The following INPP5D variants were observed in gnomAD, a reference collection of about 807,000 sequenced individuals.
INPP5D encodes phosphatidylinositol 3,4,5-trisphosphate 5-phosphatase 1.
A neutral mutation model predicts 122.9 loss-of-function variants in INPP5D; 33 were observed. That is an observed-to-expected ratio of 0.27 (90% CI 0.20 to 0.36). The LOEUF is 0.36. Ranked by LOEUF, INPP5D falls within the 10% of genes least tolerant of loss-of-function variation. The pLI, the probability that INPP5D is intolerant of heterozygous loss-of-function variation, is 1.00. For synonymous variants in INPP5D, 584 were observed against 576.2 expected (o/e 1.01, Z -0.19); for missense variants, 1,053 against 1,412.7 (o/e 0.75, Z 4.08).
chr2:233,156,790 A>G (rs917334849), intron 9 of INPP5D, among the ~76,000 whole-genome samples: 1 of 152,244 alleles, frequency 6.6e-6, no homozygotes, highest in Non-Finnish European at 1.5e-5. Context: ...AAAGGAAAAC[A>G]GGTGCTCAGC....
intron 25 of INPP5D, among the ~76,000 whole-genome samples, chr2:233,201,750 C>T (rs1695346224): frequency 6.6e-6 from 1 of 152,230 alleles, no homozygotes; most frequent in Non-Finnish European, 1.5e-5. Context: ...CGAAGCTGTG[C>T]AATTAGGAAG....
chr2:233,164,460 C>G lies in INPP5D; in HGVS notation c.1555+36C>G, dbSNP rs993497642. 6.6e-7 allele frequency: 1 copy of G among 1,515,336 alleles called. No homozygotes were observed. 93.9% of individuals were successfully genotyped at this position (1,515,336 alleles called of 1,614,324 possible). On this transcript the variant is annotated intron_variant, in intron 13 of 26. Transcript: ENST00000445964. The surrounding 1 kb of genome is among the most constrained non-coding windows in gnomAD (Gnocchi z 4.3). ...CGGGGACCCTGTGTTCCTCCCACAC[C>G]CTCTGCCTCAACTCTCGCGACCACA...
chr2:233,169,813 T>G, intron 14 of INPP5D: 1 of 789,490 alleles, frequency 1.3e-6, no homozygotes, highest in Non-Finnish European at 2.0e-6. Context: ...CTGCCCTCTG[T>G]ACACCCAATG....
intron 9 of INPP5D, among the ~76,000 whole-genome samples, chr2:233,149,972 G>A (rs1420789280): frequency 1.3e-5 from 2 of 152,150 alleles, no homozygotes; most frequent in African/African-American, 4.8e-5. Context: ...GGCTGGGGGT[G>A]ACATCATAGC....
chr2:233,152,869 G>T (rs574573432), intron 9 of INPP5D, among the ~76,000 whole-genome samples: 32 of 152,318 alleles, frequency 2.1e-4, no homozygotes, highest in African/African-American at 6.7e-4. Context: ...CAGCTGGGGG[G>T]GGTGTGGTGT....
chr2:233,164,254 C>G lies in INPP5D; in HGVS notation c.1438-53C>G. ...GGGGCTGGGTGTGAATCACTGTGCC[C>G]TGGTTCACACCCTACACTTGGGCCG... On this transcript the variant is annotated intron_variant, in intron 12 of 26. Coordinates refer to ENST00000445964, the MANE Select transcript of INPP5D (RefSeq NM_001017915.3). This position sits in a 1 kb window ranked among gnomAD's most constrained non-coding sequence, Gnocchi z 4.3. 6.6e-7 allele frequency: 1 copy of G among 1,506,198 alleles called. No homozygotes were observed. The highest frequency in any genetic ancestry group is 8.9e-7 in the Non-Finnish European group (1 of 1,121,918). The allele number at this position is 1,506,198 out of a possible 1,614,324, so 93.3% of individuals were successfully genotyped here.
intron 24 of INPP5D, among the ~76,000 whole-genome samples, chr2:233,196,307 G>A (rs144266690): frequency 1.9e-3 from 288 of 152,268 alleles, no homozygotes; most frequent in Admixed American, 3.7e-3. Context: ...ACAAAGCTGG[G>A]GAAATTCTAA....
rs183409819 is a variant in INPP5D at position 233,105,605 on chromosome 2, G to A, written c.199-16502G>A. ...GGTCCCTGATGCCGGGGGCTGAGCC[G>A]GGGGGAAGAGAGCCAGAGGGGAAGG... On this transcript the variant is annotated intron_variant, in intron 2 of 26. Coordinates refer to ENST00000445964, the MANE Select transcript of INPP5D (RefSeq NM_001017915.3). This position sits in a 1 kb window ranked among gnomAD's most constrained non-coding sequence, Gnocchi z 4.0. Among the ~76,000 whole-genome samples the A allele has an allele frequency of 1.9e-3, 296 of 152,300 alleles. 1 individual carries two copies. The highest frequency in any genetic ancestry group is 6.5e-3 in the African/African-American group (272 of 41,550).
chr2:233,141,937 A>G (rs1021181130), intron 6 of INPP5D, among the ~76,000 whole-genome samples: 16 of 152,128 alleles, frequency 1.1e-4, no homozygotes, highest in African/African-American at 3.4e-4. Context: ...CAAAATTCAG[A>G]AAAAAAAATT....
chr2:233,066,566 A>C (rs72982225), intron 1 of INPP5D, among the ~76,000 whole-genome samples: 7,954 of 152,154 alleles, frequency 0.052, 547 homozygotes, highest in African/African-American at 0.16. Context: ...ATTGAGGTAT[A>C]ATTCATATTC....
chr2:233,098,680 C>A (rs1692217313), intron 2 of INPP5D, among the ~76,000 whole-genome samples: 1 of 152,164 alleles, frequency 6.6e-6, no homozygotes, highest in South Asian at 2.1e-4. Context: ...CCCCTCTTAA[C>A]CCCAGGCCAT....
At chr2:233,129,298 AT>A (rs1693252614) in intron 4 of INPP5D, among the ~76,000 whole-genome samples, 1 of 152,246 alleles carries the variant, frequency 6.6e-6, no homozygotes, top group African/African-American at 2.4e-5. Context: ...GAGTCATAAA[AT>A]TGATTTGTGG....
intron 26 of INPP5D, chr2:233,204,920 C>G: frequency 1.2e-6 from 1 of 833,850 alleles, no homozygotes; most frequent in Non-Finnish European, 1.7e-6. Flanking sequence ...GGATTTGAAC[C>G]CAGGTCTGCC....
chr2:233,150,416 G>A (rs917852947), intron 9 of INPP5D, among the ~76,000 whole-genome samples: 19 of 152,312 alleles, frequency 1.2e-4, no homozygotes, highest in African/African-American at 4.6e-4. Context: ...GTGGAACTGT[G>A]AGTCCATTAA....
chr2:233,139,314 C>A (rs2106272758), intron 5 of INPP5D, among the ~76,000 whole-genome samples: 1 of 152,218 alleles, frequency 6.6e-6, no homozygotes, highest in Non-Finnish European at 1.5e-5. Flanking sequence ...ATGGATGTGA[C>A]AATGGGAAAA....
At chr2:233,168,943 A>C (rs1694416891) in intron 13 of INPP5D, 1 of 251,122 alleles carries the variant, frequency 4.0e-6, no homozygotes. Flanking sequence ...TCCCCAGGAA[A>C]CTTGAGTTCA....
At position 233,161,729 on chromosome 2, in the gene INPP5D, A is replaced by G; in HGVS notation, c.1143A>G (p.Arg381=). The G allele has an allele frequency of 2.5e-6, 4 of 1,612,618 alleles. No homozygotes were observed. Among genetic ancestry groups the G allele is most frequent in the Non-Finnish European group, 3.4e-6 (4 of 1,179,174 alleles). The change falls in exon 11 of 27, where the codon AGA becomes AGG. Residue 381 remains arginine (R), a synonymous_variant. Coordinates refer to ENST00000445964, the MANE Select transcript of INPP5D (RefSeq NM_001017915.3). The part of the protein sequence containing the change: ...KEYVFADSKK[R]EGFCQLLQQM... ...GTCTGCCCTTCCATCCCTAGAAGAG[A>G]GAAGGCTTCTGCCAGCTCCTGCAGC...
At chr2:233,129,680 C>T (rs139294463) in intron 4 of INPP5D, among the ~76,000 whole-genome samples, 67 of 152,334 alleles carry the variant, frequency 4.4e-4, no homozygotes, top group South Asian at 3.9e-3. Context: ...TCAGACTCCC[C>T]CCACAGAGCC....
chr2:233,104,557 G>A (rs971308295), intron 2 of INPP5D, among the ~76,000 whole-genome samples: 2 of 152,114 alleles, frequency 1.3e-5, no homozygotes, highest in Non-Finnish European at 2.9e-5. Context: ...GAAGCCATGG[G>A]GGGTAGGCTC....
Sources: gnomAD v4.1 joint callset for allele counts (sites outside exome capture counted in the v4.1 genomes callset) on GRCh38, gnomAD v4.1.1 for gene constraint, Gnocchi (gnomAD v3.1) non-coding constraint, MANE v1.5 for transcripts, NCBI Gene and HGNC (gene_info 2026-07-23, HGNC 2026-07-21) for gene names.